Variants in LAMA3 observed in about 807,000 individuals in gnomAD.
LAMA3 encodes laminin subunit alpha 3, also known as laminin subunit alpha-3.
Under a neutral mutation model 402.0 loss-of-function variants are expected in LAMA3, and 281 were observed. The ratio of observed to expected loss-of-function variants is 0.70; its 90% CI spans 0.63 to 0.77. The LOEUF (loss-of-function observed/expected upper bound fraction) is 0.77. LAMA3 is among the 30% of genes least tolerant of loss of function. LAMA3 has a pLI of 0.00. For missense variants in LAMA3, 3,840 were observed against 4,215.5 expected (o/e 0.91, Z 2.47); for synonymous variants, 1,431 against 1,558.4 (o/e 0.92, Z 1.93).
At chr18:23,946,008 A>G (rs2082696446) in intron 69 of LAMA3, 136 bp from the exon 70 acceptor site, 4 of 861,256 alleles carry the variant, frequency 4.6e-6, no homozygotes, top group Non-Finnish European at 7.8e-6. Flanking sequence ...ACCGGAGGAA[A>G]AAATCTCTCA....
intron 47 of LAMA3, 91 bp from the exon 48 acceptor site, chr18:23,901,036 A>G: frequency 8.7e-7 from 1 of 1,147,318 alleles, no homozygotes; most frequent in Non-Finnish European, 1.3e-6. Context: ...CCATGAAATG[A>G]GTAGAAACTC....
Position 23,890,027 on chromosome 18 carries a change from T to A in LAMA3, c.5320T>A (p.Phe1774Ile). ...TTTGTGTAGGTGTGCACCGGGATATTTCGGGAATCCCCAGAAATTCGGAGG... is the reference window on the plus strand; with the variant it reads ...TTTGTGTAGGTGTGCACCGGGATATATCGGGAATCCCCAGAAATTCGGAGG... ...TQCERCAPGY[F>I]GNPQKFGGSC... Residue 1774 changes from phenylalanine (F) to isoleucine (I), a missense_variant, in exon 42 of 75, where the codon TTC becomes ATC. This residue lies in a region of LAMA3 where 2,109 missense variants were observed against 2,376.0 expected (regional missense o/e 0.89). Coordinates refer to ENST00000313654, the MANE Select transcript of LAMA3 (RefSeq NM_198129.4). The A allele has an allele frequency of 6.2e-7, 1 of 1,613,878 alleles. No individual in the cohort carries two copies. Among genetic ancestry groups the A allele is most frequent in the Non-Finnish European group, 8.5e-7 (1 of 1,179,728 alleles).
At chr18:23,894,113 T>TACCC (rs1230069000) in intron 42 of LAMA3, among the ~76,000 whole-genome samples, 185 bp from the exon 43 acceptor site, 4 of 152,072 alleles carry the variant, frequency 2.6e-5, no homozygotes, top group African/African-American at 9.7e-5. Flanking sequence ...GGTAGTTGGG[T>TACCC]GTCTATTAGG....
chr18:23,721,715 C>T (rs1225864791), intron 2 of LAMA3, among the ~76,000 whole-genome samples: 3 of 152,182 alleles, frequency 2.0e-5, no homozygotes, highest in African/African-American at 4.8e-5. Context: ...GGCTCCTCCT[C>T]CCCCTTGATA....
rs548692657 is a variant in LAMA3 at position 23,820,005 on chromosome 18, A to T, written c.2304+8A>T. Reference sequence around the variant, plus strand: ...CAAATGACCTCAGTACAGGTACGCAACCCGAAGAGAGCAGCTTCATGGCTG... The same window carrying T: ...CAAATGACCTCAGTACAGGTACGCATCCCGAAGAGAGCAGCTTCATGGCTG... On this transcript the variant is annotated splice_region_variant and intron_variant, in intron 19 of 74. Transcript: ENST00000313654. 1 of 1,613,888 alleles carries T rather than the reference A, an allele frequency of 6.2e-7. No individual in the cohort carries two copies. The highest frequency in any genetic ancestry group is 8.5e-7 in the Non-Finnish European group (1 of 1,179,932).
chr18:23,876,538 G>C (rs368399117), intron 39 of LAMA3, 131 bp downstream of exon 39: 1 of 657,520 alleles, frequency 1.5e-6, no homozygotes, highest in East Asian at 2.7e-5. Flanking sequence ...GTAAATATAT[G>C]AGGCTCCATT....
Position 23,847,654 on chromosome 18 carries a change from C to T in LAMA3, c.4122C>T (p.Asp1374=), listed in dbSNP as rs750032792. Residue 1374 remains aspartate (D), a synonymous_variant, in exon 32 of 75, where the codon GAC becomes GAT. Coordinates refer to ENST00000313654, the MANE Select transcript of LAMA3 (RefSeq NM_198129.4). ...IEAAMPECDR[D]SGQCRCKPRI... Reference sequence around the variant, plus strand: ...CTGCCATGCCGGAGTGTGACCGGGACAGCGGGCAGTGCAGGTGAGCTGGGG... The same window carrying T: ...CTGCCATGCCGGAGTGTGACCGGGATAGCGGGCAGTGCAGGTGAGCTGGGG... 6.2e-7 allele frequency: 1 copy of T among 1,613,678 alleles called. No individual in the cohort carries two copies. The highest frequency in any genetic ancestry group is 1.1e-5 in the South Asian group (1 of 91,010).
intron 7 of LAMA3, among the ~76,000 whole-genome samples, chr18:23,760,860 T>C (rs2143708631): frequency 6.6e-6 from 1 of 152,268 alleles, no homozygotes; most frequent in East Asian, 1.9e-4. Context: ...GGTTCATAGA[T>C]GCCACTTTCT....
At chr18:23,893,657 A>G (rs35882866) in intron 42 of LAMA3, among the ~76,000 whole-genome samples, 25,209 of 152,014 alleles carry the variant, frequency 0.17, 4,514 homozygotes, top group African/African-American at 0.44. Context: ...GCCCACTGAC[A>G]TTGTATGCCC....
chr18:23,759,431 A>G (rs2061924414), intron 7 of LAMA3, among the ~76,000 whole-genome samples: 1 of 152,154 alleles, frequency 6.6e-6, no homozygotes, highest in Non-Finnish European at 1.5e-5. Context: ...CTCCTTGTGA[A>G]GCTACATATT....
intron 40 of LAMA3, 35 bp downstream of exon 40, chr18:23,882,080 C>A: frequency 6.7e-7 from 1 of 1,485,516 alleles, no homozygotes; most frequent in South Asian, 1.1e-5. Flanking sequence ...TACAGGGACC[C>A]AAAGTCGTTT....
chr18:23,863,323 T>TG (rs2064271322), intron 35 of LAMA3, among the ~76,000 whole-genome samples: 1 of 152,160 alleles, frequency 6.6e-6, no homozygotes. Flanking sequence ...CAGGCGCCTG[T>TG]AGTCCCAGCT....
In LAMA3 at chr18:23,839,151, C is replaced by T. The variant is rs1174668385; in HGVS notation, c.3191+273C>T. 1.3e-5 allele frequency among the ~76,000 whole-genome samples: 2 copies of T among 152,218 alleles called. No homozygotes were observed. Among genetic ancestry groups the T allele is most frequent in the Non-Finnish European group, 2.9e-5 (2 of 68,046 alleles). ...GGAACGCTGAGTTCTATTCTGAGCC[C>T]TCGAAAAGACTCGTTTTGTTCCAAT... On this transcript the variant is annotated intron_variant, in intron 26 of 74. Transcript: ENST00000313654. The surrounding 1 kb of genome is among the most constrained non-coding windows in gnomAD (Gnocchi z 4.5).
chr18:23,743,218 G>C (rs1352386580), intron 2 of LAMA3, among the ~76,000 whole-genome samples: 2 of 152,174 alleles, frequency 1.3e-5, no homozygotes, highest in African/African-American at 4.8e-5. Context: ...CATTTTATGA[G>C]CAAATAAATG....
At chr18:23,943,377 A>G (rs1276059930) in intron 68 of LAMA3, among the ~76,000 whole-genome samples, 1 of 152,252 alleles carries the variant, frequency 6.6e-6, no homozygotes, top group Non-Finnish European at 1.5e-5. Context: ...TTGTACAACA[A>G]TCTGAATGTA....
chr18:23,893,442 G>C (rs1178307686), intron 42 of LAMA3, among the ~76,000 whole-genome samples: 2 of 152,078 alleles, frequency 1.3e-5, no homozygotes, highest in Non-Finnish European at 2.9e-5. Flanking sequence ...AATTAGCCAG[G>C]CATGGTGGTG....
chr18:23,858,129 C>G (rs545644185), intron 33 of LAMA3, 141 bp downstream of exon 33: 2 of 1,056,138 alleles, frequency 1.9e-6, no homozygotes, highest in Admixed American at 2.0e-5. Context: ...TTTATAGTCA[C>G]GATCTCATTT....
chr18:23,840,377 CTT>C (rs201657216), intron 27 of LAMA3, among the ~76,000 whole-genome samples: 1 of 79,514 alleles, frequency 1.3e-5, no homozygotes, highest in Admixed American at 1.6e-4. Context: ...AAGAACCTTT[CTT>C]TCTTTTTTTT....
chr18:23,748,559 C>G (rs540047926), intron 3 of LAMA3, among the ~76,000 whole-genome samples: 11 of 152,034 alleles, frequency 7.2e-5, no homozygotes, highest in African/African-American at 2.7e-4. Flanking sequence ...CTTTGGGAAG[C>G]CAAGGCAGGC....
Sources: allele counts gnomAD v4.1 joint callset (sites outside exome capture counted in the v4.1 genomes callset), GRCh38; gene constraint gnomAD v4.1.1; regional missense constraint gnomAD v4.1.1; non-coding constraint Gnocchi (gnomAD v3.1); transcripts MANE v1.5; gene names NCBI Gene and HGNC (gene_info 2026-07-23, HGNC 2026-07-21).